EXOC2: variants seen among roughly 807,000 people sequenced by gnomAD.
EXOC2 encodes the protein exocyst complex component 2.
In EXOC2, 70 loss-of-function variants were observed where a neutral mutation model predicts 131.8. That is an observed-to-expected ratio of 0.53 (90% CI 0.44 to 0.65). EXOC2 has a LOEUF of 0.65. Ranked by LOEUF, EXOC2 falls within the 30% of genes least tolerant of loss-of-function variation. The pLI is 0.00. For missense variants in EXOC2, 923 were observed against 1,108.6 expected (o/e 0.83, Z 2.38); for synonymous variants, 411 against 398.4 (o/e 1.03, Z -0.38).
intron 22 of EXOC2, among the ~76,000 whole-genome samples, chr6:547,913 G>C (rs1175261334): frequency 6.6e-6 from 1 of 152,142 alleles, no homozygotes; most frequent in Non-Finnish European, 1.5e-5. Context: ...TGAAGCAACA[G>C]TTCCTACTTA....
At chr6:521,035 GCCGACA>G (rs1765421346) in intron 23 of EXOC2, among the ~76,000 whole-genome samples, 1 of 82,062 alleles carries the variant, frequency 1.2e-5, no homozygotes, top group Admixed American at 1.3e-4. Context: ...CCCACCGAGC[GCCGACA>G]CTCGCCGTCC....
intron 23 of EXOC2, among the ~76,000 whole-genome samples, chr6:531,386 G>A (rs987825059): frequency 5.2e-5 from 1 of 19,130 alleles, no homozygotes; most frequent in African/African-American, 4.0e-4. Context: ...TGTGGTTTGG[G>A]CACAGAAAGT....
chr6:532,461 T>C lies in EXOC2; in HGVS notation c.2380+8A>G, dbSNP rs375110429. ...CACATCTATTACTCAAGAAACTTTA[T>C]TACTTACCTGTTGGAGGCAGGCAGT... On this transcript the variant is annotated splice_region_variant and intron_variant, in intron 23 of 27. Coordinates refer to ENST00000230449, the MANE Select transcript of EXOC2 (RefSeq NM_018303.6). The C allele has an allele frequency of 1.7e-5, 26 of 1,569,182 alleles. No individual in the cohort carries two copies. In the African/African-American group the frequency reaches 3.3e-4, roughly 20 times the overall value.
At chr6:582,314 G>A (rs985924303) in intron 11 of EXOC2, among the ~76,000 whole-genome samples, 1 of 152,002 alleles carries the variant, frequency 6.6e-6, no homozygotes, top group Admixed American at 6.6e-5. Context: ...CTGCAGACAC[G>A]GAGCCAGGTG....
At chr6:579,797 A>T (rs2127604798) in intron 11 of EXOC2, among the ~76,000 whole-genome samples, 1 of 152,192 alleles carries the variant, frequency 6.6e-6, no homozygotes, top group Non-Finnish European at 1.5e-5. Flanking sequence ...TAATTCTGAC[A>T]CTCCTTTTAA....
At position 612,408 on chromosome 6, in the gene EXOC2, A is replaced by G. The variant is rs535495970; in HGVS notation, c.662-2230T>C. The stretch of plus-strand genomic sequence containing the variant: ...AGTGTAAGATGCATTAATATTTTAA[A>G]TTGATAGAGAGCCCTTCAAACATTT... On this transcript the variant is annotated intron_variant, in intron 6 of 27. Transcript: ENST00000230449. Among the ~76,000 whole-genome samples the G allele has an allele frequency of 3.3e-5, 5 of 152,326 alleles. No homozygotes were observed. In the South Asian group the frequency reaches 1.0e-3, roughly 32 times the overall value.
At chr6:528,776 C>T (rs2493035) in intron 23 of EXOC2, among the ~76,000 whole-genome samples, 127,069 of 152,268 alleles carry the variant, frequency 0.83, 53,194 homozygotes, top group South Asian at 0.89. Flanking sequence ...TTAAGATCAA[C>T]CTCAGGATTA....
chr6:576,632 G>T lies in EXOC2; in HGVS notation c.1318+125C>A, dbSNP rs557503044. The stretch of plus-strand genomic sequence containing the variant: ...GGTAGTTACTGTAACAAGCAAAAGC[G>T]ATGATGGCTGATAATACTTAGCACC... On this transcript the variant is annotated intron_variant, in intron 12 of 27. Coordinates refer to ENST00000230449, the MANE Select transcript of EXOC2 (RefSeq NM_018303.6). 8.5e-6 allele frequency: 9 copies of T among 1,062,442 alleles called. No homozygotes were observed. In the African/African-American group the frequency reaches 1.3e-4, roughly 15 times the overall value. 65.8% of individuals were successfully genotyped at this position (1,062,442 alleles called of 1,614,324 possible).
chr6:672,224 A>T (rs539370438), intron 1 of EXOC2, among the ~76,000 whole-genome samples: 1 of 152,132 alleles, frequency 6.6e-6, no homozygotes, highest in Non-Finnish European at 1.5e-5. Context: ...TGATGTGCTC[A>T]TCAATGGCAC....
intron 1 of EXOC2, among the ~76,000 whole-genome samples, chr6:650,825 A>T (rs1196520427): frequency 6.6e-6 from 1 of 152,234 alleles, no homozygotes; most frequent in Non-Finnish European, 1.5e-5. Flanking sequence ...ACAGAACTAG[A>T]GACAGACAAC....
intron 1 of EXOC2, among the ~76,000 whole-genome samples, chr6:642,316 T>G (rs1343789746): frequency 6.6e-6 from 1 of 152,204 alleles, no homozygotes; most frequent in Non-Finnish European, 1.5e-5. Context: ...TTAATCAATT[T>G]TATATCCCCA....
At chr6:626,777 G>C (rs1761594502) in intron 4 of EXOC2, among the ~76,000 whole-genome samples, 1 of 151,754 alleles carries the variant, frequency 6.6e-6, no homozygotes, top group African/African-American at 2.4e-5. Flanking sequence ...ATTTTTAGTA[G>C]AGACGGGGTT....
At position 564,939 on chromosome 6, in the gene EXOC2, T is replaced by TA. The variant is rs559044583; in HGVS notation, c.1444-11dup. 2.8e-4 allele frequency: 444 copies of TA among 1,588,460 alleles called. 2 individuals carry two copies. Among genetic ancestry groups the TA allele is most frequent in the Middle Eastern group, 1.3e-3 (8 of 5,946 alleles). On this transcript the variant is annotated splice_polypyrimidine_tract_variant and intron_variant, in intron 13 of 27. Transcript: ENST00000230449. ...CTGACTTCTCAGCAGTCTTAAAAATTAAAAAAACAAAATAAAACATATTAG... is the reference window on the plus strand; with the variant it reads ...CTGACTTCTCAGCAGTCTTAAAAATTAAAAAAAACAAAATAAAACATATTAG...
At position 562,067 on chromosome 6, in the gene EXOC2, C is replaced by T. The variant is rs138324290; in HGVS notation, c.1851+717G>A. 3.1e-3 allele frequency among the ~76,000 whole-genome samples: 470 copies of T among 152,310 alleles called. 1 individual carries two copies. Among genetic ancestry groups the T allele is most frequent in the African/African-American group, 0.011 (447 of 41,554 alleles). On this transcript the variant is annotated intron_variant, in intron 17 of 27. Coordinates refer to ENST00000230449, the MANE Select transcript of EXOC2 (RefSeq NM_018303.6). Reference sequence around the variant, plus strand: ...ACAGCAGCCAGGCCACGAGTGACCCCGAGGCCAGCCTGAGTAGAAGGCAGT... The same window carrying T: ...ACAGCAGCCAGGCCACGAGTGACCCTGAGGCCAGCCTGAGTAGAAGGCAGT...
chr6:663,178 A>G (rs547667289), intron 1 of EXOC2, among the ~76,000 whole-genome samples: 24 of 152,328 alleles, frequency 1.6e-4, no homozygotes, highest in African/African-American at 5.8e-4. Flanking sequence ...CTTTACACAC[A>G]TAAATTAGAA....
Position 489,326 on chromosome 6 carries a change from G to C in EXOC2, c.2622-288C>G, listed in dbSNP as rs770907945. On this transcript the variant is annotated intron_variant, in intron 26 of 27. Transcript: ENST00000230449. ...TCGAAAGGATGCTAGTGATAGAGGA[G>C]AGCTTAATGTGAACATGTTTAATTT... Among the ~76,000 whole-genome samples, 8 of 152,208 alleles carry C rather than the reference G, an allele frequency of 5.3e-5. No individual in the cohort carries two copies. In the South Asian group the frequency reaches 6.2e-4, roughly 12 times the overall value.
intron 11 of EXOC2, among the ~76,000 whole-genome samples, chr6:582,215 A>G (rs1181829269): frequency 6.7e-6 from 1 of 148,166 alleles, no homozygotes; most frequent in East Asian, 2.0e-4. Flanking sequence ...AAGCTGTGCA[A>G]GTCTTTCTGA....
chr6:604,992 A>AAG (rs969545245), intron 7 of EXOC2, among the ~76,000 whole-genome samples: 8 of 152,066 alleles, frequency 5.3e-5, no homozygotes, highest in Non-Finnish European at 1.0e-4. Context: ...TCAAACCATC[A>AAG]TTTGATCACC....
rs559527566 is a variant in EXOC2 at position 626,343 on chromosome 6, C to T, written c.422+3492G>A. On this transcript the variant is annotated intron_variant, in intron 4 of 27. Transcript: ENST00000230449. The stretch of plus-strand genomic sequence containing the variant: ...AAGAAAAAAGCATGCAGCCTGGGTC[C>T]ACCGGTAAAATATTTATTAAACTCT... 2.0e-5 allele frequency among the ~76,000 whole-genome samples: 3 copies of T among 152,210 alleles called. No homozygotes were observed. In the South Asian group the frequency reaches 6.2e-4, roughly 32 times the overall value.
Sources: gnomAD v4.1 joint callset for allele counts (sites outside exome capture counted in the v4.1 genomes callset) on GRCh38, gnomAD v4.1.1 for gene constraint, MANE v1.5 for transcripts, NCBI Gene and HGNC (gene_info 2026-07-23, HGNC 2026-07-21) for gene names.